The following SPRR2G variants were observed in gnomAD, a reference collection of about 807,000 sequenced individuals.
SPRR2G encodes small proline-rich protein 2G.
Under a neutral mutation model 0.7 loss-of-function variants are expected in SPRR2G, and 1 was observed. That is an observed-to-expected ratio of 1.49 (90% CI 0.53 to 7.06). The LOEUF is 7.06. Ranked by LOEUF, SPRR2G falls within the 30% of genes most tolerant of loss-of-function variation. SPRR2G has a pLI of 0.14. For missense variants in SPRR2G, 96 were observed against 88.5 expected, an observed-to-expected ratio of 1.09 and a Z score of -0.34; for synonymous variants, 38 against 33.9, an observed-to-expected ratio of 1.12 and a Z score of -0.42.
the SPRR2G span, among the ~76,000 whole-genome samples, chr1:153,182,962 T>G: frequency 5.9e-5 from 9 of 152,110 alleles, no homozygotes; most frequent in East Asian, 9.7e-4. Flanking sequence ...ATTCCTGCAT[T>G]GTCTTCCACA....
chr1:153,158,571 T>C, the SPRR2G span, among the ~76,000 whole-genome samples: 5 of 152,330 alleles, frequency 3.3e-5, no homozygotes, highest in South Asian at 4.1e-4. Flanking sequence ...CGGTGCAAGC[T>C]GTCAGTGGAT....
chr1:153,183,488 C>A, the SPRR2G span, among the ~76,000 whole-genome samples: 1 of 152,006 alleles, frequency 6.6e-6, no homozygotes, highest in African/African-American at 2.4e-5. Context: ...AGCTTTTTTT[C>A]ATGTGTTTGT....
the SPRR2G span, among the ~76,000 whole-genome samples, chr1:153,173,596 G>A: frequency 2.0e-5 from 3 of 152,190 alleles, no homozygotes; most frequent in Non-Finnish European, 4.4e-5. Context: ...GAGGCAACCA[G>A]ATTTATTATT....
At chr1:153,150,504 G>C (rs995525914) in intron 1 of SPRR2G, among the ~76,000 whole-genome samples, 1 of 152,122 alleles carries the variant, frequency 6.6e-6, no homozygotes, top group African/African-American at 2.4e-5. Context: ...GCTGGCTGTG[G>C]TGCTGAGCCA....
chr1:153,199,538 C>A, the SPRR2G span, among the ~76,000 whole-genome samples: 2 of 152,186 alleles, frequency 1.3e-5, no homozygotes, highest in South Asian at 4.2e-4. Context: ...CCTTTGCAGC[C>A]CCTACCCAAA....
chr1:153,166,906 G>A, the SPRR2G span, among the ~76,000 whole-genome samples: 1 of 151,974 alleles, frequency 6.6e-6, no homozygotes, highest in East Asian at 1.9e-4. Context: ...AAATCCACTT[G>A]ATCTCTTCAT....
chr1:153,200,301 T>C, the SPRR2G span, among the ~76,000 whole-genome samples: 1 of 152,094 alleles, frequency 6.6e-6, no homozygotes, highest in Non-Finnish European at 1.5e-5. Flanking sequence ...GAGGAAAATA[T>C]TGAGTTGGAG....
chr1:153,165,433 G>A, the SPRR2G span, among the ~76,000 whole-genome samples: 2 of 152,128 alleles, frequency 1.3e-5, no homozygotes, highest in Non-Finnish European at 2.9e-5. Flanking sequence ...AACTTCCCAG[G>A]TTCCAGAACT....
At chr1:153,161,529 T>A in the SPRR2G span, among the ~76,000 whole-genome samples, 1 of 152,136 alleles carries the variant, frequency 6.6e-6, no homozygotes, top group African/African-American at 2.4e-5. Context: ...ATGATGACTT[T>A]TCACTCTGTT....
chr1:153,153,204 T>C (rs1021342412), upstream of SPRR2G, among the ~76,000 whole-genome samples: 1 of 152,156 alleles, frequency 6.6e-6, no homozygotes, highest in Admixed American at 6.5e-5. Flanking sequence ...ACCATTTTCT[T>C]CTCTTTTGAA....
chr1:153,158,927 A>T, the SPRR2G span, among the ~76,000 whole-genome samples: 1 of 152,184 alleles, frequency 6.6e-6, no homozygotes, highest in Non-Finnish European at 1.5e-5. Context: ...CCATGGCTCA[A>T]TCTGGATGGC....
At chr1:153,163,577 G>A in the SPRR2G span, among the ~76,000 whole-genome samples, 68,973 of 151,496 alleles carry the variant, frequency 0.46, 17,029 homozygotes, top group Non-Finnish European at 0.56. Context: ...TTCAAAGCAA[G>A]AGGGGTGTCC....
the SPRR2G span, among the ~76,000 whole-genome samples, chr1:153,183,443 T>C: frequency 6.6e-6 from 1 of 152,108 alleles, no homozygotes; most frequent in Non-Finnish European, 1.5e-5. Context: ...TCATTGTGGC[T>C]TTGATCTGCA....
the SPRR2G span, among the ~76,000 whole-genome samples, chr1:153,157,664 G>A: frequency 1.2e-4 from 18 of 152,046 alleles, no homozygotes; most frequent in African/African-American, 4.1e-4. Flanking sequence ...GTTTGTTTTG[G>A]TTTGGTTTGG....
Position 153,150,062 on chromosome 1 carries a change from C to G in SPRR2G, c.49G>C (p.Val17Leu). The G allele has an allele frequency of 6.2e-7, 1 of 1,613,156 alleles. No individual in the cohort carries two copies. Among genetic ancestry groups the G allele is most frequent in the Non-Finnish European group, 8.5e-7 (1 of 1,179,866 alleles). ...TCTGGGCACTTTGGCGTGGGGCACA[C>G]AGGAGGTGGCTGGCAGGGCTGCTTG... ...QCKQPCQPPP[V>L]CPTPKCPEPC... The change falls in exon 2 of 2, where the codon GTG becomes CTG. Residue 17 changes from valine (V) to leucine (L), a missense_variant. Coordinates refer to ENST00000368748, the MANE Select transcript of SPRR2G (RefSeq NM_001014291.4).
At chr1:153,183,288 T>C in the SPRR2G span, among the ~76,000 whole-genome samples, 1 of 148,168 alleles carries the variant, frequency 6.7e-6, no homozygotes, top group Non-Finnish European at 1.5e-5. Context: ...AGTTTCTCCA[T>C]GCTGGTCAGG....
At chr1:153,170,553 A>C in the SPRR2G span, among the ~76,000 whole-genome samples, 6 of 152,308 alleles carry the variant, frequency 3.9e-5, no homozygotes, top group South Asian at 8.3e-4. Flanking sequence ...TGGGTTTAGG[A>C]ATCAACTCCA....
At chr1:153,184,270 C>T in the SPRR2G span, among the ~76,000 whole-genome samples, 1 of 152,096 alleles carries the variant, frequency 6.6e-6, no homozygotes, top group South Asian at 2.1e-4. Context: ...TCAATGATAG[C>T]TTGATGGGAA....
the SPRR2G span, among the ~76,000 whole-genome samples, chr1:153,188,654 G>C: frequency 3.0e-4 from 45 of 152,282 alleles, no homozygotes; most frequent in Middle Eastern, 3.4e-3. Flanking sequence ...TCGCTCCCTG[G>C]CTTCAACACC....
Sources: allele counts gnomAD v4.1 joint callset (sites outside exome capture counted in the v4.1 genomes callset), GRCh38; gene constraint gnomAD v4.1.1; transcripts MANE v1.5; gene names NCBI Gene and HGNC (gene_info 2026-07-23, HGNC 2026-07-21).